The following CD8B variants were observed in gnomAD, a reference collection of about 807,000 sequenced individuals.
CD8B encodes the protein T-cell surface glycoprotein CD8 beta chain.
CD8B carries 6 observed loss-of-function variants against 24.2 expected under a neutral mutation model. That is an observed-to-expected ratio of 0.25 (90% CI 0.14 to 0.49). The LOEUF is 0.49. CD8B is among the 20% of genes least tolerant of loss of function. The pLI, the probability that CD8B is intolerant of heterozygous loss-of-function variation, is 0.98. For missense variants in CD8B, 196 were observed against 271.3 expected (o/e 0.72, Z 1.95); for synonymous variants, 84 against 108.3 (o/e 0.78, Z 1.39).
intron 1 of CD8B, among the ~76,000 whole-genome samples, chr2:86,860,645 C>A (rs1166074407): frequency 6.6e-6 from 1 of 152,184 alleles, no homozygotes; most frequent in Admixed American, 6.5e-5. Context: ...ACCCCAAAAC[C>A]TGACTTTGAA....
At chr2:86,827,965 G>A (rs1674757888) in intron 5 of CD8B, among the ~76,000 whole-genome samples, 1 of 152,150 alleles carries the variant, frequency 6.6e-6, no homozygotes, top group Non-Finnish European at 1.5e-5. Flanking sequence ...GGGGGATGGG[G>A]CAAGGACATC....
intron 2 of CD8B, among the ~76,000 whole-genome samples, chr2:86,855,509 G>T (rs1205778302): frequency 4.6e-5 from 7 of 152,192 alleles, no homozygotes; most frequent in Non-Finnish European, 1.0e-4. Context: ...TGCACCAAAA[G>T]ACCTTGATTC....
intron 3 of CD8B, among the ~76,000 whole-genome samples, chr2:86,847,670 A>T (rs1346129552): frequency 6.6e-6 from 1 of 152,112 alleles, no homozygotes; most frequent in South Asian, 2.1e-4. Context: ...GGTTCAAGCG[A>T]TTCTCCTGCC....
rs1675383121 is a variant in CD8B, at chr2:86,840,731, G to C, written c.*1576C>G. Among the ~76,000 whole-genome samples the C allele has an allele frequency of 6.6e-6, 1 of 151,902 alleles. No homozygotes were observed. ...CTTTGTATGTTTTGTTCAGTTCTTT[G>C]TTCAAAATGCCAAGGACCTGGACAA... On this transcript the variant is annotated 3_prime_UTR_variant, in exon 6 of 6. Transcript: ENST00000390655.
chr2:86,846,160 G>A (rs569256227), intron 4 of CD8B, among the ~76,000 whole-genome samples: 36 of 152,350 alleles, frequency 2.4e-4, no homozygotes, highest in Admixed American at 1.0e-3. Context: ...AGACAGTCCC[G>A]TCTCTGGGGT....
At chr2:86,853,421 G>A (rs958756735) in intron 2 of CD8B, among the ~76,000 whole-genome samples, 2 of 152,062 alleles carry the variant, frequency 1.3e-5, no homozygotes, top group African/African-American at 2.4e-5. Context: ...TGGCCTGGAC[G>A]ACAGAGCAAG....
chr2:86,860,176 A>G (rs1331958380), intron 1 of CD8B, among the ~76,000 whole-genome samples: 1 of 152,294 alleles, frequency 6.6e-6, no homozygotes, highest in Non-Finnish European at 1.5e-5. Flanking sequence ...AGGCTGAGGC[A>G]GGAGAATCGC....
chr2:86,859,614 A>G (rs1293901273), intron 1 of CD8B, among the ~76,000 whole-genome samples: 1 of 152,130 alleles, frequency 6.6e-6, no homozygotes, highest in Admixed American at 6.5e-5. Flanking sequence ...TTAAATCTCA[A>G]GGAGAAGGAT....
chr2:86,854,521 C>A (rs1402718843), intron 2 of CD8B, among the ~76,000 whole-genome samples: 1 of 152,126 alleles, frequency 6.6e-6, no homozygotes, highest in African/African-American at 2.4e-5. Flanking sequence ...GTGTTGGGAC[C>A]CCAAACCCCT....
intron 5 of CD8B, among the ~76,000 whole-genome samples, chr2:86,818,086 T>C (rs1364763074): frequency 6.6e-6 from 1 of 152,046 alleles, no homozygotes; most frequent in Non-Finnish European, 1.5e-5. Context: ...GGCGGGCACC[T>C]GTGGTCCCAG....
intron 5 of CD8B, among the ~76,000 whole-genome samples, chr2:86,819,260 A>G (rs1314540815): frequency 6.6e-6 from 1 of 152,238 alleles, no homozygotes; most frequent in Non-Finnish European, 1.5e-5. Flanking sequence ...GAGCTTTCTA[A>G]GATTATTGAC....
chr2:86,850,426 A>G (rs1271603600), intron 3 of CD8B, among the ~76,000 whole-genome samples: 5 of 152,124 alleles, frequency 3.3e-5, no homozygotes, highest in Non-Finnish European at 7.4e-5. Context: ...ATTCATGATA[A>G]CAGGCTTTGA....
chr2:86,829,402 G>A (rs1231618417), intron 5 of CD8B, among the ~76,000 whole-genome samples: 1 of 152,158 alleles, frequency 6.6e-6, no homozygotes, highest in Non-Finnish European at 1.5e-5. Context: ...ACCGCGCCTG[G>A]CTGGCATATG....
At chr2:86,821,554 A>G (rs13024609) in intron 5 of CD8B, among the ~76,000 whole-genome samples, 32,555 of 152,146 alleles carry the variant, frequency 0.21, 3,689 homozygotes, top group African/African-American at 0.25. Flanking sequence ...GCCCTGGGCC[A>G]AGTTGGGGCA....
chr2:86,815,767 G>A lies in CD8B; in HGVS notation c.621-49C>T, dbSNP rs1187601229. 4.0e-6 allele frequency: 4 copies of A among 1,001,128 alleles called. No homozygotes were observed. The Admixed American group carries it at 5.3e-5, about 13-fold the overall frequency. 62.0% of individuals were successfully genotyped at this position (1,001,128 alleles called of 1,614,324 possible). On this transcript the variant is annotated intron_variant, in intron 5 of 5. Coordinates refer to the CD8B transcript ENST00000331469. ...GTCTCAATACATGCACCAAGTCAAG[G>A]TGTTGGTTACTTATTAAGTAATGAC...
At chr2:86,856,546 C>G (rs761686476) in intron 2 of CD8B, among the ~76,000 whole-genome samples, 2 of 152,058 alleles carry the variant, frequency 1.3e-5, no homozygotes, top group African/African-American at 4.8e-5. Flanking sequence ...CTGCTGTCCC[C>G]AGCTGCCCCT....
intron 5 of CD8B, chr2:86,821,703 C>G (rs761733466): frequency 4.1e-5 from 18 of 434,286 alleles, no homozygotes; most frequent in Non-Finnish European, 8.5e-5. Flanking sequence ...ATTTTCCTTC[C>G]CTAGGTGAAC....
rs552769687 is a variant in CD8B at position 86,847,772 on chromosome 2, G to A, written c.494-999C>T. Among the ~76,000 whole-genome samples the A allele has an allele frequency of 3.0e-4, 46 of 152,236 alleles. No individual in the cohort carries two copies. The South Asian group carries it at 8.9e-3, about 30-fold the overall frequency. The stretch of plus-strand genomic sequence containing the variant: ...GTAGAGACGGGGTTTCACCACGTTG[G>A]CCAGGATGGTCTCAATCTCCTGGCC... On this transcript the variant is annotated intron_variant, in intron 3 of 5. Transcript: ENST00000390655.
chr2:86,826,844 C>T (rs1273606106), intron 5 of CD8B, among the ~76,000 whole-genome samples: 1 of 143,444 alleles, frequency 7.0e-6, no homozygotes, highest in East Asian at 2.0e-4. Context: ...TTTTTTGAGA[C>T]GGGGTCTCAC....
Sources: gnomAD v4.1 joint callset for allele counts (sites outside exome capture counted in the v4.1 genomes callset) on GRCh38, gnomAD v4.1.1 for gene constraint, MANE v1.5 for transcripts, NCBI Gene and HGNC (gene_info 2026-07-23, HGNC 2026-07-21) for gene names.